Variants in BPNT2 observed in about 807,000 individuals in gnomAD.
BPNT2 encodes 3'(2'), 5'-bisphosphate nucleotidase 2, also known as Golgi-resident adenosine 3',5'-bisphosphate 3'-phosphatase.
A neutral mutation model predicts 29.3 loss-of-function variants in BPNT2; 11 were observed. The ratio of observed to expected loss-of-function variants is 0.38; its 90% CI spans 0.24 to 0.62. The LOEUF is 0.62. BPNT2 is among the 20% of genes least tolerant of loss of function. The pLI, the probability that BPNT2 is intolerant of heterozygous loss-of-function variation, is 0.62. For missense variants in BPNT2, 459 were observed against 473.4 expected, an observed-to-expected ratio of 0.97 and a Z score of 0.28; for synonymous variants, 195 against 187.7, an observed-to-expected ratio of 1.04 and a Z score of -0.32.
At chr8:56,973,370 C>A (rs1806069074) in intron 3 of BPNT2, among the ~76,000 whole-genome samples, 1 of 152,110 alleles carries the variant, frequency 6.6e-6, no homozygotes, top group Non-Finnish European at 1.5e-5. Flanking sequence ...TAGTAGAGAA[C>A]CCTGACAGAG....
chr8:56,983,405 G>A (rs1159852207), intron 1 of BPNT2, among the ~76,000 whole-genome samples: 1 of 152,114 alleles, frequency 6.6e-6, no homozygotes, highest in Admixed American at 6.5e-5. Context: ...AATGTGCCTG[G>A]TGTGTTCAGA....
At chr8:56,979,626 T>C (rs1250053900) in intron 2 of BPNT2, among the ~76,000 whole-genome samples, 2 of 151,708 alleles carry the variant, frequency 1.3e-5, no homozygotes, top group Non-Finnish European at 2.9e-5. Context: ...AAATGAAGAG[T>C]GAAAAGGCAG....
At position 56,965,878 on chromosome 8, in the gene BPNT2, C is replaced by T. The variant is rs16921485; in HGVS notation, c.808+313G>A. ...ATCTTTCTTCCTCTCCTTGATATTC[C>T]CACAGTTAAGTAAGACAATTATTTT... is the stretch of plus-strand genomic sequence containing the variant. On this transcript the variant is annotated intron_variant, in intron 4 of 4. Transcript: ENST00000262644. 0.14 allele frequency among the ~76,000 whole-genome samples: 21,074 copies of T among 152,038 alleles called. 1,708 individuals are homozygous for T. The highest frequency in any genetic ancestry group is 0.2 in the African/African-American group (8,329 of 41,422).
Position 56,964,037 on chromosome 8 carries a change from A to C in BPNT2, c.836T>G (p.Val279Gly), listed in dbSNP as rs1253080787. Residue 279 changes from valine to glycine, a missense_variant, in exon 5 of 5, where the codon GTG becomes GGG. Transcript: ENST00000262644. The stretch of plus-strand genomic sequence containing the variant: ...AGCTTTTTCTTGACTCTTATCAGGC[A>C]CATCCAAAAGTGCTAAAACTTTATA... ...AGYKVLALLDVPDKSQEKADL... is the reference protein window; with the variant it reads ...AGYKVLALLDGPDKSQEKADL... 1 of 1,601,496 alleles carries C rather than the reference A, an allele frequency of 6.2e-7. No homozygotes were observed. Among genetic ancestry groups the C allele is most frequent in the East Asian group, 2.2e-5 (1 of 44,628 alleles).
intron 1 of BPNT2, 77 bp downstream of exon 1, chr8:56,993,122 C>T: frequency 6.5e-7 from 1 of 1,541,950 alleles, no homozygotes; most frequent in Non-Finnish European, 8.7e-7. Flanking sequence ...AGAAGCTCCA[C>T]ATCCCATACT....
rs1805869992 is a variant in BPNT2 at position 56,963,212 on chromosome 8, GTTA to G, written c.*578_*580del. 1 of 152,670 alleles carries G rather than the reference GTTA, an allele frequency of 6.6e-6. No individual in the cohort carries two copies. Among genetic ancestry groups the G allele is most frequent in the African/African-American group, 2.4e-5 (1 of 41,406 alleles). 9.5% of individuals were successfully genotyped at this position (152,670 alleles called of 1,614,324 possible). On this transcript the variant is annotated 3_prime_UTR_variant, in exon 5 of 5. Coordinates refer to ENST00000262644, the MANE Select transcript of BPNT2 (RefSeq NM_017813.5). ...CTATTTTCTACCAGCTGGTGAACCT[GTTA>G]TTAAAATTTAAAAGAAAAAATCAAT...
At chr8:56,978,875 A>T (rs1258517348) in intron 2 of BPNT2, among the ~76,000 whole-genome samples, 1 of 152,208 alleles carries the variant, frequency 6.6e-6, no homozygotes, top group African/African-American at 2.4e-5. Flanking sequence ...AACACCACAC[A>T]CTGGGGCCTT....
In BPNT2 at chr8:56,958,185, T is replaced by C. The variant is rs1211130778; in HGVS notation, c.*5608A>G. 2 of 152,216 alleles carry C rather than the reference T, an allele frequency of 1.3e-5. No individual in the cohort carries two copies. The highest frequency in any genetic ancestry group is 2.4e-5 in the African/African-American group (1 of 41,460). The allele number at this position is 152,216 out of a possible 1,614,324, so 9.4% of individuals were successfully genotyped here. Reference sequence around the variant, plus strand: ...ACAACCAAGGCACAAAATATGCTAATGCTAATAATCCTTTATTCAATTTAG... The same window carrying C: ...ACAACCAAGGCACAAAATATGCTAACGCTAATAATCCTTTATTCAATTTAG... On this transcript the variant is annotated 3_prime_UTR_variant, in exon 5 of 5. Transcript: ENST00000262644.
intron 2 of BPNT2, among the ~76,000 whole-genome samples, chr8:56,979,002 A>G (rs111927108): frequency 9.2e-5 from 14 of 152,276 alleles, no homozygotes; most frequent in African/African-American, 2.9e-4. Flanking sequence ...ACACAAGTTT[A>G]CCCTATGTAA....
intron 1 of BPNT2, among the ~76,000 whole-genome samples, chr8:56,989,233 C>T (rs1806372713): frequency 6.6e-6 from 1 of 151,946 alleles, no homozygotes; most frequent in Non-Finnish European, 1.5e-5. Context: ...ATTAGCTGGG[C>T]GTGGTGGCGG....
intron 4 of BPNT2, 43 bp downstream of exon 4, chr8:56,966,148 G>A (rs78605423): frequency 1.2e-6 from 2 of 1,602,782 alleles, no homozygotes; most frequent in Non-Finnish European, 1.7e-6. Context: ...CCTTGACCAT[G>A]CCAGGAACAT....
In BPNT2 at chr8:56,976,245, A is replaced by C. The variant is rs542293360; in HGVS notation, c.646+1805T>G. Among the ~76,000 whole-genome samples the C allele has an allele frequency of 2.0e-5, 3 of 152,274 alleles. No homozygotes were observed. In the East Asian group the frequency reaches 5.8e-4, roughly 29 times the overall value. On this transcript the variant is annotated intron_variant, in intron 3 of 4. Transcript: ENST00000262644. Reference sequence around the variant, plus strand: ...AGAGGAAGACAACAGCAAAGCAACAATAGAGATAGAACTGCATGCCTGGCA... The same window carrying C: ...AGAGGAAGACAACAGCAAAGCAACACTAGAGATAGAACTGCATGCCTGGCA...
chr8:56,972,427 T>A (rs1011266279), intron 3 of BPNT2, among the ~76,000 whole-genome samples: 1 of 151,798 alleles, frequency 6.6e-6, no homozygotes, highest in Admixed American at 6.6e-5. Flanking sequence ...GTAAGAATAA[T>A]TGTGGGAAAA....
At chr8:56,975,868 G>A (rs970971719) in intron 3 of BPNT2, among the ~76,000 whole-genome samples, 1 of 152,062 alleles carries the variant, frequency 6.6e-6, no homozygotes. Flanking sequence ...CCTTGAGGAA[G>A]GTATTAAATT....
intron 3 of BPNT2, among the ~76,000 whole-genome samples, chr8:56,974,597 T>C (rs1052120164): frequency 6.6e-6 from 1 of 152,176 alleles, no homozygotes; most frequent in African/African-American, 2.4e-5. Context: ...AAACATTCAG[T>C]GTGGGAATGG....
intron 1 of BPNT2, among the ~76,000 whole-genome samples, chr8:56,982,887 T>C (rs1324502053): frequency 6.6e-6 from 1 of 152,200 alleles, no homozygotes; most frequent in Non-Finnish European, 1.5e-5. Context: ...GGTATATCCA[T>C]ACAATGGAAA....
At chr8:56,964,189 C>A (rs753067754) in intron 4 of BPNT2, 125 bp from the exon 5 acceptor site, 3 of 646,660 alleles carry the variant, frequency 4.6e-6, no homozygotes, top group Non-Finnish European at 5.3e-6. Flanking sequence ...GCAGTCTCTG[C>A]AACTGCTTAA....
At position 56,985,392 on chromosome 8, in the gene BPNT2, G is replaced by A. The variant is rs562256766; in HGVS notation, c.388-5195C>T. The stretch of plus-strand genomic sequence containing the variant: ...TACTACCTGTCAAAGACCTCAACAG[G>A]GAATTGAAGCATAAGAAATCAACCC... On this transcript the variant is annotated intron_variant, in intron 1 of 4. Coordinates refer to ENST00000262644, the MANE Select transcript of BPNT2 (RefSeq NM_017813.5). 2.6e-5 allele frequency among the ~76,000 whole-genome samples: 4 copies of A among 152,078 alleles called. No individual in the cohort carries two copies. In the South Asian group the frequency reaches 8.3e-4, roughly 32 times the overall value.
chr8:56,967,600 A>C (rs1282738538), intron 3 of BPNT2, among the ~76,000 whole-genome samples: 2 of 152,128 alleles, frequency 1.3e-5, no homozygotes, highest in African/African-American at 2.4e-5. Flanking sequence ...TAAAATGGGA[A>C]GTATTGAAAA....
Sources: allele counts gnomAD v4.1 joint callset (sites outside exome capture counted in the v4.1 genomes callset), GRCh38; gene constraint gnomAD v4.1.1; transcripts MANE v1.5; gene names NCBI Gene and HGNC (gene_info 2026-07-23, HGNC 2026-07-21).